Variants in C10orf53 observed in about 807,000 individuals in gnomAD.
The protein encoded by C10orf53 is UPF0728 protein C10orf53.
C10orf53 carries 8 observed loss-of-function variants against 9.4 expected under a neutral mutation model. The ratio of observed to expected loss-of-function variants is 0.85; its 90% CI spans 0.50 to 1.53. C10orf53 has a LOEUF of 1.53. C10orf53 is among the 40% of genes most tolerant of loss of function. C10orf53 has a pLI of 0.00. For synonymous variants in C10orf53, 48 were observed against 46.0 expected, an observed-to-expected ratio of 1.04 and a Z score of -0.18; for missense variants, 117 against 117.8, an observed-to-expected ratio of 0.99 and a Z score of 0.03.
At chr10:49,682,501 A>G (rs1446716058) in intron 1 of C10orf53, among the ~76,000 whole-genome samples, 1 of 151,984 alleles carries the variant, frequency 6.6e-6, no homozygotes, top group East Asian at 1.9e-4. Context: ...ATTTATTATG[A>G]AGAGTGAAAG....
downstream of C10orf53, among the ~76,000 whole-genome samples, chr10:49,699,220 G>T (rs2132887663): frequency 4.9e-5 from 1 of 20,360 alleles, no homozygotes; most frequent in African/African-American, 1.5e-4. Context: ...TTTTTGACAA[G>T]GCCTTGCTCT....
chr10:49,690,323 A>C (rs1479458308), intron 1 of C10orf53, among the ~76,000 whole-genome samples: 1 of 152,200 alleles, frequency 6.6e-6, no homozygotes, highest in Non-Finnish European at 1.5e-5. Context: ...GCAGCAAAGC[A>C]GGGAGCATCT....
rs375603494 is a variant in C10orf53 at position 49,694,630 on chromosome 10, C to A, written c.*28C>A. ...TCCTCATGGAACAGGCATCTCAAGT[C>A]GGCACAACAGCAGCTGCCCCAGCCA... On this transcript the variant is annotated 3_prime_UTR_variant, in exon 3 of 3. Coordinates refer to ENST00000374111, the MANE Select transcript of C10orf53 (RefSeq NM_001042427.3). 6.8e-6 allele frequency: 11 copies of A among 1,613,992 alleles called. No individual in the cohort carries two copies. The East Asian group carries it at 1.1e-4, about 16-fold the overall frequency.
chr10:49,700,858 C>T (rs1840676975), downstream of C10orf53, among the ~76,000 whole-genome samples: 1 of 152,174 alleles, frequency 6.6e-6, no homozygotes, highest in African/African-American at 2.4e-5. Flanking sequence ...ATGCAGCCCC[C>T]ATCCCTCCTG....
intron 1 of C10orf53, among the ~76,000 whole-genome samples, chr10:49,686,113 T>G (rs1840525969): frequency 6.6e-6 from 1 of 152,188 alleles, no homozygotes; most frequent in African/African-American, 2.4e-5. Flanking sequence ...CAGAAGAACA[T>G]AAATTGTGAA....
rs1840645704 is a variant in C10orf53, at chr10:49,697,449, T to C, written c.*2847T>C. 6.6e-6 allele frequency among the ~76,000 whole-genome samples: 1 copy of C among 152,240 alleles called. No homozygotes were observed. The highest frequency in any genetic ancestry group is 6.5e-5 in the Admixed American group (1 of 15,284). On this transcript the variant is annotated 3_prime_UTR_variant, in exon 3 of 3. Coordinates refer to ENST00000374111, the MANE Select transcript of C10orf53 (RefSeq NM_001042427.3). ...CGCCTTCATGCTTTTAAAATACCAC[T>C]GATTAAATCACATTTTAAGTTTTAT... is the stretch of plus-strand genomic sequence containing the variant.
chr10:49,705,650 G>T (rs775211581), intron 2 of C10orf53, among the ~76,000 whole-genome samples: 1 of 152,062 alleles, frequency 6.6e-6, no homozygotes, highest in Non-Finnish European at 1.5e-5. Flanking sequence ...AGACCTATAT[G>T]TAAGAGCCAA....
chr10:49,700,988 C>A (rs114174845), downstream of C10orf53, among the ~76,000 whole-genome samples: 159 of 149,260 alleles, frequency 1.1e-3, no homozygotes, highest in African/African-American at 3.8e-3. Context: ...CCAAGAAGAG[C>A]CAGGCCACAT....
intron 1 of C10orf53, among the ~76,000 whole-genome samples, chr10:49,691,830 C>T (rs1432269946): frequency 6.6e-6 from 1 of 152,240 alleles, no homozygotes; most frequent in African/African-American, 2.4e-5. Flanking sequence ...GCCCACAGTC[C>T]ATGCACCCTC....
chr10:49,706,385 AGAATATTGTTCCACCATAAAAAG>A (rs1840722531), intron 2 of C10orf53, among the ~76,000 whole-genome samples: 1 of 152,256 alleles, frequency 6.6e-6, no homozygotes, highest in Non-Finnish European at 1.5e-5. Context: ...TCCATACAAT[AGAATATTGTTCCACCATAAAAAG>A]GAATGAAGTT....
intron 1 of C10orf53, among the ~76,000 whole-genome samples, chr10:49,681,851 C>CTT (rs1840481585): frequency 6.6e-6 from 1 of 152,172 alleles, no homozygotes; most frequent in African/African-American, 2.4e-5. Flanking sequence ...TTAATTACCT[C>CTT]TTTAAGCACC....
chr10:49,697,233 T>C lies in C10orf53; in HGVS notation c.*2631T>C, dbSNP rs1194030606. ...GATTTTGACATAGAAGCCACCTGTC[T>C]ATGGCCTTATCCTCCTCTGTCACTG... On this transcript the variant is annotated 3_prime_UTR_variant, in exon 3 of 3. Coordinates refer to ENST00000374111, the MANE Select transcript of C10orf53 (RefSeq NM_001042427.3). Among the ~76,000 whole-genome samples the C allele has an allele frequency of 6.6e-6, 1 of 152,182 alleles. No homozygotes were observed. Among genetic ancestry groups the C allele is most frequent in the African/African-American group, 2.4e-5 (1 of 41,438 alleles).
intron 2 of C10orf53, among the ~76,000 whole-genome samples, chr10:49,703,690 C>T (rs1045386064): frequency 3.3e-5 from 5 of 152,090 alleles, no homozygotes; most frequent in African/African-American, 4.8e-5. Flanking sequence ...ATTTCTAGAC[C>T]GTCCTAAAGC....
chr10:49,691,921 G>A (rs1022566042), intron 1 of C10orf53, among the ~76,000 whole-genome samples: 1 of 152,214 alleles, frequency 6.6e-6, no homozygotes, highest in African/African-American at 2.4e-5. Context: ...GAGGTTGGGG[G>A]GTGCGGGTGT....
At chr10:49,686,669 G>A (rs978429856) in intron 1 of C10orf53, among the ~76,000 whole-genome samples, 7 of 152,112 alleles carry the variant, frequency 4.6e-5, no homozygotes, top group Non-Finnish European at 8.8e-5. Flanking sequence ...ACTGAAATAC[G>A]CCCTGGTCTC....
At chr10:49,703,601 C>T (rs954201522) in intron 2 of C10orf53, among the ~76,000 whole-genome samples, 7 of 152,172 alleles carry the variant, frequency 4.6e-5, no homozygotes, top group African/African-American at 1.7e-4. Context: ...CTGCTACATG[C>T]AGTGAAGGGA....
intron 1 of C10orf53, among the ~76,000 whole-genome samples, chr10:49,684,348 G>T (rs1405206289): frequency 6.6e-6 from 1 of 152,136 alleles, no homozygotes; most frequent in Non-Finnish European, 1.5e-5. Flanking sequence ...TAGGTCCCTT[G>T]CAGTTCCCTA....
rs1190906821 is a variant in C10orf53 at position 49,694,690 on chromosome 10, T to C, written c.*88T>C. 1.2e-6 allele frequency: 2 copies of C among 1,601,090 alleles called. No homozygotes were observed. Among genetic ancestry groups the C allele is most frequent in the Non-Finnish European group, 1.7e-6 (2 of 1,173,430 alleles). Reference sequence around the variant, plus strand: ...GCAGGCAGAAGTGGCTGTGCCACGGTGTGGACACTGGGCTCTGCTAGTCAG... The same window carrying C: ...GCAGGCAGAAGTGGCTGTGCCACGGCGTGGACACTGGGCTCTGCTAGTCAG... On this transcript the variant is annotated 3_prime_UTR_variant, in exon 3 of 3. Transcript: ENST00000374111.
At chr10:49,689,652 A>T (rs1840563115) in intron 1 of C10orf53, among the ~76,000 whole-genome samples, 1 of 152,176 alleles carries the variant, frequency 6.6e-6, no homozygotes, top group African/African-American at 2.4e-5. Context: ...TAGTGCGTAC[A>T]TCATGTAAAA....
Sources: gnomAD v4.1 joint callset for allele counts (sites outside exome capture counted in the v4.1 genomes callset) on GRCh38, gnomAD v4.1.1 for gene constraint, MANE v1.5 for transcripts, NCBI Gene and HGNC (gene_info 2026-07-23, HGNC 2026-07-21) for gene names.